DAB1: variants seen among roughly 807,000 people sequenced by gnomAD.
DAB1 encodes the protein DAB adaptor protein 1, also known as disabled homolog 1.
Under a neutral mutation model 64.6 loss-of-function variants are expected in DAB1, and 15 were observed. The ratio of observed to expected loss-of-function variants is 0.23; its 90% CI spans 0.16 to 0.36. The LOEUF (loss-of-function observed/expected upper bound fraction) is 0.36, where lower values mean the gene tolerates loss of function less well. Ranked by LOEUF, DAB1 falls within the 10% of genes least tolerant of loss-of-function variation. The pLI, the probability that DAB1 is intolerant of heterozygous loss-of-function variation, is 1.00. For missense variants in DAB1, 596 were observed against 706.7 expected (o/e 0.84, Z 1.78); for synonymous variants, 235 against 251.9 (o/e 0.93, Z 0.64).
chr1:57,132,252 T>G (rs1657706600), intron 4 of DAB1, among the ~76,000 whole-genome samples: 2 of 152,080 alleles, frequency 1.3e-5, no homozygotes, highest in South Asian at 4.1e-4. Context: ...ATGAAATGAC[T>G]TCGTGATTAA....
At chr1:58,058,137 T>C (rs1254056042) in intron 5 of DAB1, among the ~76,000 whole-genome samples, 1 of 152,174 alleles carries the variant, frequency 6.6e-6, no homozygotes, top group East Asian at 1.9e-4. Context: ...GTCTTATTCT[T>C]AGTTGTATTA....
chr1:58,031,364 A>G (rs1358777080), intron 5 of DAB1, among the ~76,000 whole-genome samples: 2 of 152,160 alleles, frequency 1.3e-5, no homozygotes, highest in Non-Finnish European at 2.9e-5. Context: ...AAAGTCTTTG[A>G]GTGGGAAAGT....
intron 7 of DAB1, among the ~76,000 whole-genome samples, chr1:57,480,704 T>G (rs1336552171): frequency 6.6e-6 from 1 of 152,076 alleles, no homozygotes; most frequent in African/African-American, 2.4e-5. Flanking sequence ...AGACTGGTCT[T>G]GAACTCCTAA....
At chr1:57,559,350 C>T (rs1236147110) in intron 7 of DAB1, among the ~76,000 whole-genome samples, 6 of 152,168 alleles carry the variant, frequency 3.9e-5, no homozygotes, top group Admixed American at 1.3e-4. Context: ...AGACTCAGAA[C>T]CCCTTGAATG....
intron 3 of DAB1, among the ~76,000 whole-genome samples, chr1:58,350,300 G>T (rs78541850): frequency 1.3e-5 from 2 of 152,090 alleles, no homozygotes; most frequent in Non-Finnish European, 2.9e-5. Flanking sequence ...TTTTGATGGG[G>T]TTGTTTGTTT....
intron 4 of DAB1, among the ~76,000 whole-genome samples, chr1:58,293,600 G>A (rs1268988387): frequency 6.6e-6 from 1 of 152,154 alleles, no homozygotes; most frequent in Non-Finnish European, 1.5e-5. Context: ...GGCATGGGCA[G>A]GGTAACCTTT....
intron 4 of DAB1, among the ~76,000 whole-genome samples, chr1:58,239,698 C>T (rs1205612959): frequency 6.6e-6 from 1 of 152,148 alleles, no homozygotes; most frequent in Non-Finnish European, 1.5e-5. Flanking sequence ...TGATTTTCCC[C>T]CTTGACTCTC....
chr1:57,243,689 C>A lies in DAB1; in HGVS notation c.67+47275G>T, dbSNP rs1467123756. ...CTGGAAGTTTATTCCTTAATCATTC[C>A]TTTCCTCACTTGGGTCTCCAGAGAA... On this transcript the variant is annotated intron_variant, in intron 2 of 14. Transcript: ENST00000371236. Among the ~76,000 whole-genome samples the A allele has an allele frequency of 2.6e-5, 4 of 152,170 alleles. 1 individual carries two copies. In the East Asian group the frequency reaches 7.7e-4, roughly 29 times the overall value.
intron 7 of DAB1, among the ~76,000 whole-genome samples, chr1:57,436,223 G>C (rs1685690850): frequency 6.6e-6 from 1 of 152,042 alleles, no homozygotes; most frequent in Non-Finnish European, 1.5e-5. Flanking sequence ...GGCTGTGCTA[G>C]ACTTTTATAC....
At chr1:57,450,933 C>G (rs868503220) in intron 7 of DAB1, among the ~76,000 whole-genome samples, 1 of 152,194 alleles carries the variant, frequency 6.6e-6, no homozygotes, top group Admixed American at 6.5e-5. Context: ...AATCGTCTCA[C>G]AGTTAACATG....
chr1:57,787,228 C>T (rs1163659580), intron 6 of DAB1, among the ~76,000 whole-genome samples: 1 of 151,964 alleles, frequency 6.6e-6, no homozygotes, highest in Non-Finnish European at 1.5e-5. Context: ...AACAGAAGAA[C>T]AAAATTGTAG....
chr1:58,042,582 G>A (rs1647153685), intron 5 of DAB1, among the ~76,000 whole-genome samples: 2 of 152,188 alleles, frequency 1.3e-5, no homozygotes, highest in Non-Finnish European at 2.9e-5. Context: ...AAAGGAAAAG[G>A]AGGGAGATGG....
chr1:57,153,378 C>T (rs956261621), intron 2 of DAB1, among the ~76,000 whole-genome samples: 1 of 152,222 alleles, frequency 6.6e-6, no homozygotes, highest in Admixed American at 6.5e-5. Context: ...GGATTAAAAT[C>T]AAACATAAAT....
chr1:57,541,715 G>GA (rs906040926), intron 7 of DAB1, among the ~76,000 whole-genome samples: 2 of 151,716 alleles, frequency 1.3e-5, no homozygotes, highest in African/African-American at 4.8e-5. Context: ...TTGGGCCTTA[G>GA]AAAAAAAACA....
rs1271425075 is a variant in DAB1 at position 58,177,881 on chromosome 1, T to C, written n.310-27293A>G. Among the ~76,000 whole-genome samples the C allele has an allele frequency of 3.3e-5, 5 of 152,318 alleles. No homozygotes were observed. The South Asian group carries it at 6.2e-4, about 19-fold the overall frequency. ...GAGAAAAACCACATCAGAACTGTTA[T>C]AAGTCAGTCCAAAATTCACTTCAGA... On this transcript the variant is annotated intron_variant and non_coding_transcript_variant, in intron 4 of 20. Transcript: ENST00000485760.
intron 9 of DAB1, among the ~76,000 whole-genome samples, chr1:57,042,663 T>C (rs1048643341): frequency 1.3e-5 from 2 of 152,212 alleles, no homozygotes; most frequent in African/African-American, 2.4e-5. Context: ...GAAATTATAT[T>C]GAATTGATAC....
At chr1:57,441,992 G>A (rs1020920972) in intron 7 of DAB1, among the ~76,000 whole-genome samples, 2 of 152,096 alleles carry the variant, frequency 1.3e-5, no homozygotes, top group African/African-American at 2.4e-5. Context: ...GGTGTGAGAT[G>A]GTACCTTATT....
At chr1:57,768,702 T>C (rs1649428420) in intron 6 of DAB1, among the ~76,000 whole-genome samples, 1 of 151,936 alleles carries the variant, frequency 6.6e-6, no homozygotes, top group South Asian at 2.1e-4. Context: ...AAGTTGCATA[T>C]TGGCTTTCTA....
intron 6 of DAB1, among the ~76,000 whole-genome samples, chr1:57,705,598 T>C (rs1476210874): frequency 6.6e-6 from 1 of 152,144 alleles, no homozygotes; most frequent in Non-Finnish European, 1.5e-5. Flanking sequence ...ACTTAAAATA[T>C]AAAGTTAATA....
Sources: gnomAD v4.1 joint callset for allele counts (sites outside exome capture counted in the v4.1 genomes callset) on GRCh38, gnomAD v4.1.1 for gene constraint, MANE v1.5 for transcripts, NCBI Gene and HGNC (gene_info 2026-07-23, HGNC 2026-07-21) for gene names.